Variants in SCP2 observed in about 807,000 individuals in gnomAD.
The protein encoded by SCP2 is SCP-2/3-oxoacyl-CoA thiolase.
A neutral mutation model predicts 71.4 loss-of-function variants in SCP2; 48 were observed. The observed-to-expected ratio is 0.67, with a 90% CI of 0.53 to 0.86. The LOEUF (loss-of-function observed/expected upper bound fraction) is 0.86, where lower values mean the gene tolerates loss of function less well. Among genes scored for constraint, SCP2 ranks in the 40% least tolerant of loss-of-function variants. SCP2 has a pLI of 0.00. For synonymous variants in SCP2, 220 were observed against 218.1 expected (o/e 1.01, Z -0.08); for missense variants, 560 against 655.6 (o/e 0.85, Z 1.59).
At chr1:53,006,529 A>C (rs555974128) in intron 11 of SCP2, among the ~76,000 whole-genome samples, 1 of 152,336 alleles carries the variant, frequency 6.6e-6, no homozygotes, top group Non-Finnish European at 1.5e-5. Context: ...CAGCCAAACT[A>C]AGCTTCATAA....
intron 11 of SCP2, chr1:52,994,822 A>G: frequency 1.9e-6 from 1 of 519,716 alleles, no homozygotes. Flanking sequence ...AATCGACCCC[A>G]CCAGCACCTA....
intron 14 of SCP2, among the ~76,000 whole-genome samples, chr1:53,042,753 T>C (rs1383513497): frequency 6.6e-6 from 1 of 152,222 alleles, no homozygotes; most frequent in African/African-American, 2.4e-5. Context: ...ATGTACATAA[T>C]GTTAGGGGGT....
intron 11 of SCP2, among the ~76,000 whole-genome samples, chr1:53,000,087 G>A (rs576043482): frequency 2.4e-4 from 37 of 151,826 alleles, no homozygotes; most frequent in African/African-American, 7.7e-4. Flanking sequence ...GATTACAGGC[G>A]TGAGCTGTCA....
chr1:53,048,558 A>T (rs1209559864), intron 15 of SCP2: 1 of 162,932 alleles, frequency 6.1e-6, no homozygotes, highest in Non-Finnish European at 1.4e-5. Flanking sequence ...GTGTTATGTT[A>T]GTCATAATAT....
chr1:52,974,330 T>A (rs768447891), intron 6 of SCP2, among the ~76,000 whole-genome samples: 1 of 152,170 alleles, frequency 6.6e-6, no homozygotes, highest in Non-Finnish European at 1.5e-5. Context: ...TCTAAAAACT[T>A]TTCTGTTTTA....
At chr1:52,930,505 A>G (rs1653050121) in intron 1 of SCP2, among the ~76,000 whole-genome samples, 1 of 152,084 alleles carries the variant, frequency 6.6e-6, no homozygotes, top group Non-Finnish European at 1.5e-5. Flanking sequence ...GCACACCTAT[A>G]GTCCCAACCA....
intron 11 of SCP2, among the ~76,000 whole-genome samples, chr1:53,010,656 A>G (rs1660929381): frequency 6.6e-6 from 1 of 152,182 alleles, no homozygotes; most frequent in Non-Finnish European, 1.5e-5. Flanking sequence ...AAGGGATAGC[A>G]TTAGGAGATA....
chr1:53,003,369 C>A (rs754293476), intron 11 of SCP2, among the ~76,000 whole-genome samples: 15 of 152,132 alleles, frequency 9.9e-5, no homozygotes, highest in Non-Finnish European at 2.1e-4. Flanking sequence ...CAGGCACGCA[C>A]CTTCATACCT....
chr1:53,010,601 G>A (rs1434916993), intron 11 of SCP2, among the ~76,000 whole-genome samples: 1 of 152,102 alleles, frequency 6.6e-6, no homozygotes, highest in East Asian at 1.9e-4. Context: ...ACACATGGTG[G>A]GGAACATCAC....
chr1:53,037,879 T>TACACACACACACACACAC (rs34293671), intron 13 of SCP2, among the ~76,000 whole-genome samples: 18 of 84,558 alleles, frequency 2.1e-4, no homozygotes, highest in Non-Finnish European at 4.2e-4. Flanking sequence ...TGTCTCTACA[T>TACACACACACACACACAC]ACACACACAC....
chr1:52,994,062 C>A, intron 11 of SCP2: 1 of 1,115,638 alleles, frequency 9.0e-7, no homozygotes, highest in Non-Finnish European at 1.1e-6. Flanking sequence ...ATGTTGTGCC[C>A]AATGCTACAC....
chr1:52,981,256 A>G (rs1341747906), intron 10 of SCP2, among the ~76,000 whole-genome samples: 2 of 152,124 alleles, frequency 1.3e-5, no homozygotes, highest in Non-Finnish European at 2.9e-5. Context: ...TTTAAAATCT[A>G]CTTTGTTGAT....
chr1:52,993,834 C>T, intron 11 of SCP2: 1 of 1,509,586 alleles, frequency 6.6e-7, no homozygotes, highest in Admixed American at 2.0e-5. Flanking sequence ...CTGTCATTCT[C>T]ATGCATTTAT....
chr1:53,021,612 G>T (rs955930917), intron 12 of SCP2, among the ~76,000 whole-genome samples: 2 of 149,868 alleles, frequency 1.3e-5, no homozygotes, highest in Non-Finnish European at 3.0e-5. Flanking sequence ...GAGCCACCGA[G>T]CTCGGGCTTT....
intron 1 of SCP2, chr1:52,935,047 C>T (rs919925113): frequency 2.0e-5 from 3 of 150,706 alleles, no homozygotes; most frequent in Admixed American, 6.6e-5. Flanking sequence ...GGCGGATCAC[C>T]TGAGGTTAGG....
chr1:52,999,815 G>GTTTT (rs60893788), intron 11 of SCP2, among the ~76,000 whole-genome samples: 15 of 109,382 alleles, frequency 1.4e-4, no homozygotes, highest in South Asian at 3.0e-4. Flanking sequence ...CTGAACACTT[G>GTTTT]TTTTTTTTTT....
At position 53,015,015 on chromosome 1, in the gene SCP2, T is replaced by C. The variant is rs1345338655; in HGVS notation, c.1207T>C (p.Tyr403His). Residue 403 changes from tyrosine to histidine, a missense_variant, in exon 12 of 16, where the codon TAC becomes CAC. Physicochemically the swap from Tyr to His is moderately conservative, Grantham distance 83. Transcript: ENST00000371514. ...GIGGAVVVTL[Y>H]KMGFPEAASS... Reference sequence around the variant, plus strand: ...TGGAGGAGCTGTGGTTGTAACACTCTACAAGATGGGTTTTCCGGAAGCCGC... The same window carrying C: ...TGGAGGAGCTGTGGTTGTAACACTCCACAAGATGGGTTTTCCGGAAGCCGC... 6.8e-6 allele frequency: 11 copies of C among 1,614,054 alleles called. No individual in the cohort carries two copies. The highest frequency in any genetic ancestry group is 1.7e-5 in the Admixed American group (1 of 60,000).
chr1:52,945,399 A>T (rs957848220), intron 2 of SCP2, among the ~76,000 whole-genome samples: 2 of 152,026 alleles, frequency 1.3e-5, no homozygotes, highest in Non-Finnish European at 2.9e-5. Flanking sequence ...TTCTCCTTCT[A>T]CTTAAAATTG....
At chr1:53,009,306 G>A (rs1660834303) in intron 11 of SCP2, among the ~76,000 whole-genome samples, 1 of 152,008 alleles carries the variant, frequency 6.6e-6, no homozygotes. Context: ...CAAAAAAGAG[G>A]CCGCATTGCC....
Sources: allele counts gnomAD v4.1 joint callset (sites outside exome capture counted in the v4.1 genomes callset), GRCh38; gene constraint gnomAD v4.1.1; transcripts MANE v1.5; gene names NCBI Gene and HGNC (gene_info 2026-07-23, HGNC 2026-07-21).